SH3YL1: variants seen among roughly 807,000 people sequenced by gnomAD.
SH3YL1 encodes the protein SH3 and SYLF domain containing 1, also known as SH3 domain-containing YSC84-like protein 1.
A neutral mutation model predicts 45.8 loss-of-function variants in SH3YL1; 41 were observed. That is an observed-to-expected ratio of 0.89 (90% CI 0.70 to 1.16). SH3YL1 has a LOEUF of 1.16. Ranked by LOEUF, SH3YL1 falls within the 50% of genes most tolerant of loss-of-function variation. The pLI is 0.00. For synonymous variants in SH3YL1, 152 were observed against 151.4 expected, an observed-to-expected ratio of 1.00 and a Z score of -0.03; for missense variants, 389 against 409.6, an observed-to-expected ratio of 0.95 and a Z score of 0.43.
intron 4 of SH3YL1, among the ~76,000 whole-genome samples, chr2:243,786 C>T (rs1017711730): frequency 2.0e-5 from 3 of 152,152 alleles, no homozygotes; most frequent in African/African-American, 4.8e-5. Context: ...GACAACCACA[C>T]ACTAGCTGTG....
chr2:257,424 T>C (rs1324166443), intron 1 of SH3YL1, among the ~76,000 whole-genome samples: 1 of 152,236 alleles, frequency 6.6e-6, no homozygotes, highest in African/African-American at 2.4e-5. Flanking sequence ...CTTCAATATT[T>C]GAGTCCTTGT....
At chr2:235,142 G>A (rs1190393857) in intron 4 of SH3YL1, among the ~76,000 whole-genome samples, 6 of 152,306 alleles carry the variant, frequency 3.9e-5, no homozygotes, top group Admixed American at 3.3e-4. Flanking sequence ...CTCCCAAAGT[G>A]CTGGATTACA....
At chr2:264,176 T>A, upstream of SH3YL1, 1 of 772,370 alleles carries the variant, frequency 1.3e-6, no homozygotes, top group Non-Finnish European at 1.9e-6. Flanking sequence ...CGCTCAGGCC[T>A]TCGCCCTCAG....
intron 4 of SH3YL1, among the ~76,000 whole-genome samples, chr2:244,020 T>C (rs1174642188): frequency 6.6e-6 from 1 of 152,176 alleles, no homozygotes; most frequent in Non-Finnish European, 1.5e-5. Flanking sequence ...CAGGGAACTC[T>C]GTCTTTCGAA....
At chr2:221,552 A>T (rs1667575137) in intron 9 of SH3YL1, among the ~76,000 whole-genome samples, 1 of 152,190 alleles carries the variant, frequency 6.6e-6, no homozygotes, top group Non-Finnish European at 1.5e-5. Flanking sequence ...AAGCAGAGTG[A>T]GAGAGGAGGG....
intron 4 of SH3YL1, chr2:242,981 C>T: frequency 1.6e-6 from 1 of 635,592 alleles, no homozygotes; most frequent in Non-Finnish European, 2.3e-6. Context: ...TAGTAATACA[C>T]ATATATTTAT....
In SH3YL1 at chr2:218,737, T is replaced by C; in HGVS notation, c.*74A>G. Reference sequence around the variant, plus strand: ...AGTTTTTTAAAATTTATATTAAACATTGCTTAACTAGTAAATCCTGTCAGT... The same window carrying C: ...AGTTTTTTAAAATTTATATTAAACACTGCTTAACTAGTAAATCCTGTCAGT... On this transcript the variant is annotated 3_prime_UTR_variant, in exon 10 of 10. Coordinates refer to ENST00000356150, the MANE Select transcript of SH3YL1 (RefSeq NM_015677.4). The C allele has an allele frequency of 4.8e-6, 6 of 1,243,928 alleles. No homozygotes were observed. The highest frequency in any genetic ancestry group is 6.6e-6 in the Non-Finnish European group (6 of 909,196). The allele number at this position is 1,243,928 out of a possible 1,614,324, so 77.1% of individuals were successfully genotyped here.
At chr2:231,299 A>C (rs970908799) in intron 6 of SH3YL1, 108 bp from the exon 7 acceptor site, 5 of 793,750 alleles carry the variant, frequency 6.3e-6, no homozygotes, top group Non-Finnish European at 9.8e-6. Context: ...ATTCATACAT[A>C]GCACTTCATA....
chr2:222,673 C>T (rs1667627433), intron 9 of SH3YL1: 1 of 152,134 alleles, frequency 6.6e-6, no homozygotes, highest in Non-Finnish European at 1.5e-5. Context: ...CAAGCCTTGT[C>T]TCTCTCAGAG....
intron 1 of SH3YL1, among the ~76,000 whole-genome samples, chr2:257,483 C>A (rs963498948): frequency 6.6e-6 from 1 of 152,214 alleles, no homozygotes; most frequent in Non-Finnish European, 1.5e-5. Flanking sequence ...GAGAACTTAA[C>A]TTAGGAGTAT....
chr2:241,716 G>A (rs1196607070), intron 4 of SH3YL1: 1 of 152,020 alleles, frequency 6.6e-6, no homozygotes, highest in African/African-American at 2.4e-5. Flanking sequence ...TTCAAAAACA[G>A]TAGACTTCAG....
intron 2 of SH3YL1, among the ~76,000 whole-genome samples, chr2:251,555 T>A (rs1029719265): frequency 6.6e-6 from 1 of 152,192 alleles, no homozygotes. Flanking sequence ...AGAATACTGA[T>A]ACTGAAAATC....
chr2:258,408 G>C (rs1472365795), intron 1 of SH3YL1, among the ~76,000 whole-genome samples: 1 of 152,106 alleles, frequency 6.6e-6, no homozygotes. Flanking sequence ...TATTCTTTTT[G>C]TGTAAAATAG....
chr2:224,568 A>G (rs1667713222), intron 9 of SH3YL1, among the ~76,000 whole-genome samples: 1 of 152,148 alleles, frequency 6.6e-6, no homozygotes, highest in Non-Finnish European at 1.5e-5. Context: ...CCCTACACAG[A>G]TAACACTGAC....
At chr2:255,290 G>A (rs1669268229) in intron 1 of SH3YL1, among the ~76,000 whole-genome samples, 1 of 152,130 alleles carries the variant, frequency 6.6e-6, no homozygotes, top group Non-Finnish European at 1.5e-5. Context: ...TTGGTGCCTG[G>A]AATGTTTGAA....
In SH3YL1 at chr2:247,575, AT is replaced by A; in HGVS notation, c.253del (p.Ile85Ter). 1 of 1,551,812 alleles carries A rather than the reference AT, an allele frequency of 6.4e-7. No individual in the cohort carries two copies. The highest frequency in any genetic ancestry group is 2.4e-5 in the East Asian group (1 of 40,908). ...GKWSAPSAIGIAGLGGGFEIG... is the reference protein window; with the variant it reads ...GKWSAPSAIGXAGLGGGFEIG... ...TTCAAATCCTCCACCAAGGCCAGCT[AT>A]CCCAATGGCTGAGGGTGCAGACCAT... On this transcript the variant is annotated frameshift_variant, in exon 4 of 10. Coordinates refer to ENST00000356150, the MANE Select transcript of SH3YL1 (RefSeq NM_015677.4). LOFTEE classifies it high-confidence loss of function.
At chr2:230,911 G>GAA in intron 7 of SH3YL1, 112 bp downstream of exon 7, 3 of 972,286 alleles carry the variant, frequency 3.1e-6, no homozygotes, top group Non-Finnish European at 4.9e-6. Flanking sequence ...TGAAGTCAGT[G>GAA]AAACTACGAA....
chr2:253,317 G>T (rs1476433845), intron 1 of SH3YL1, among the ~76,000 whole-genome samples: 2 of 152,184 alleles, frequency 1.3e-5, no homozygotes, highest in Non-Finnish European at 2.9e-5. Context: ...GTCACAGGAT[G>T]AGACAGGAGG....
At chr2:249,451 A>G (rs1167843439) in intron 3 of SH3YL1, among the ~76,000 whole-genome samples, 2 of 152,236 alleles carry the variant, frequency 1.3e-5, no homozygotes, top group Non-Finnish European at 2.9e-5. Flanking sequence ...CCATGTTTCA[A>G]TATTTGCTCC....
Sources: allele counts gnomAD v4.1 joint callset (sites outside exome capture counted in the v4.1 genomes callset), GRCh38; gene constraint gnomAD v4.1.1; transcripts MANE v1.5; gene names NCBI Gene and HGNC (gene_info 2026-07-23, HGNC 2026-07-21).